Variants in EPHA10 observed in about 807,000 individuals in gnomAD.
EPHA10 encodes the protein EPH receptor A10.
In EPHA10, 120 loss-of-function variants were observed where a neutral mutation model predicts 109.7. The ratio of observed to expected loss-of-function variants is 1.09; its 90% CI spans 0.94 to 1.27. The LOEUF is 1.27. Among genes scored for constraint, EPHA10 ranks in the 50% most tolerant of loss-of-function variants. EPHA10 has a pLI of 0.00. For missense variants in EPHA10, 1,396 were observed against 1,411.1 expected (o/e 0.99, Z 0.17); for synonymous variants, 640 against 618.9 (o/e 1.03, Z -0.51).
chr1:37,719,428 C>G lies in EPHA10; in HGVS notation c.2742G>C (p.Leu914=), dbSNP rs777654930. 3 of 1,613,010 alleles carry G rather than the reference C, an allele frequency of 1.9e-6. No individual in the cohort carries two copies. The highest frequency in any genetic ancestry group is 2.5e-6 in the Non-Finnish European group (3 of 1,179,920). ...VQDPEPPKCA[L]TTCPRPPTPL... is the part of the protein sequence containing the mutation. ...TGGGAACGTACCTGGGACAGGTAGT[C>G]AGGGCACACTTGGGGGGCTCTGGGT... Residue 914 remains leucine (L), a synonymous_variant, in exon 15 of 17, where the codon CTG becomes CTC. Coordinates refer to ENST00000373048, the MANE Select transcript of EPHA10 (RefSeq NM_001099439.2).
chr1:37,739,204 A>G (rs1646116419), intron 5 of EPHA10, among the ~76,000 whole-genome samples: 1 of 152,256 alleles, frequency 6.6e-6, no homozygotes, highest in South Asian at 2.1e-4. Context: ...GTGTAAACAT[A>G]CAACAGGATA....
intron 14 of EPHA10, 86 bp from the exon 15 acceptor site, chr1:37,719,693 C>T (rs1645755490): frequency 6.8e-7 from 1 of 1,476,566 alleles, no homozygotes; most frequent in East Asian, 2.3e-5. Context: ...CACACACAGA[C>T]ACAGACACAC....
In EPHA10 at chr1:37,720,468, GC is replaced by G; in HGVS notation, c.2294del (p.Gly765AlafsTer40). On this transcript the variant is annotated frameshift_variant, in exon 13 of 17. Transcript: ENST00000373048. LOFTEE classifies it high-confidence loss of function. ...GAGCTGCCAGGCCCCGGTGAACGTA[GC>G]CCATCTCTGACAGATACTTCATGGC... Reference protein sequence around the residue: ...ASAMKYLSEMGYVHRGLAARH... With the variant: ...ASAMKYLSEMXYVHRGLAARH... 6.2e-7 allele frequency: 1 copy of G among 1,613,608 alleles called. No homozygotes were observed. Among genetic ancestry groups the G allele is most frequent in the Non-Finnish European group, 8.5e-7 (1 of 1,180,018 alleles).
chr1:37,749,255 T>C (rs1646286877), intron 5 of EPHA10, among the ~76,000 whole-genome samples: 1 of 152,036 alleles, frequency 6.6e-6, no homozygotes, highest in South Asian at 2.1e-4. Context: ...AAAATCATAT[T>C]GCACAGTGCC....
At chr1:37,722,896 G>A in intron 10 of EPHA10, 145 bp downstream of exon 10, 2 of 1,219,104 alleles carry the variant, frequency 1.6e-6, no homozygotes, top group Non-Finnish European at 2.4e-6. Flanking sequence ...GGGTGGGCTT[G>A]GTGTGGAGGC....
chr1:37,761,152 T>G, intron 3 of EPHA10: 1 of 1,357,448 alleles, frequency 7.4e-7, no homozygotes, highest in East Asian at 2.9e-5. Context: ...AGAAGGCCTG[T>G]GCAAGGTGCC....
In EPHA10 at chr1:37,761,964, G is replaced by A. The variant is rs774237973; in HGVS notation, c.291C>T (p.Arg97=). The change falls in exon 3 of 17, where the codon CGC becomes CGT. Residue 97 remains arginine (R), a synonymous_variant. Coordinates refer to ENST00000373048, the MANE Select transcript of EPHA10 (RefSeq NM_001099439.2). ...WLQTGWISRG[R]GQRIFVELQF... is the part of the protein sequence containing the mutation. ...GCAGTTCCACGAAGATGCGCTGCCCGCGGCCACGGCTTATCCAGCCAGTCT... is the reference window on the plus strand; with the variant it reads ...GCAGTTCCACGAAGATGCGCTGCCCACGGCCACGGCTTATCCAGCCAGTCT... The A allele has an allele frequency of 1.9e-6, 3 of 1,614,028 alleles. No homozygotes were observed. Among genetic ancestry groups the A allele is most frequent in the Admixed American group, 1.7e-5 (1 of 60,016 alleles).
intron 12 of EPHA10, 30 bp downstream of exon 12, chr1:37,720,753 G>A: frequency 6.2e-7 from 1 of 1,612,962 alleles, no homozygotes; most frequent in Middle Eastern, 1.7e-4. Flanking sequence ...ACAGAATAAA[G>A]TGGTCATTGG....
chr1:37,733,173 G>A (rs151208815), intron 6 of EPHA10, among the ~76,000 whole-genome samples: 1,572 of 151,776 alleles, frequency 0.01, 27 homozygotes, highest in African/African-American at 0.036. Context: ...GATTACAGGC[G>A]TGCACCACCA....
At chr1:37,740,431 G>A (rs944499168) in intron 5 of EPHA10, among the ~76,000 whole-genome samples, 5 of 151,916 alleles carry the variant, frequency 3.3e-5, no homozygotes, top group East Asian at 1.9e-4. Context: ...TCAGCCTCCC[G>A]AGTAGCTGGG....
chr1:37,756,527 A>G (rs77105949), intron 3 of EPHA10: 25,574 of 152,294 alleles, frequency 0.17, 2,425 homozygotes, highest in South Asian at 0.23. Context: ...CCTCTCTTCA[A>G]GGTCAGACCT....
At chr1:37,759,508 G>C (rs1005639838) in intron 3 of EPHA10, among the ~76,000 whole-genome samples, 5 of 152,078 alleles carry the variant, frequency 3.3e-5, no homozygotes, top group Non-Finnish European at 7.4e-5. Flanking sequence ...CTCTGTTTAT[G>C]TTTCACACCC....
chr1:37,747,330 T>C (rs919178407), intron 5 of EPHA10, among the ~76,000 whole-genome samples: 18 of 152,026 alleles, frequency 1.2e-4, no homozygotes, highest in South Asian at 8.3e-4. Flanking sequence ...GCAGGTAGAT[T>C]GCTTGAGTCC....
At chr1:37,722,598 C>A (rs978577002) in intron 10 of EPHA10, among the ~76,000 whole-genome samples, 1 of 152,216 alleles carries the variant, frequency 6.6e-6, no homozygotes, top group Non-Finnish European at 1.5e-5. Context: ...CATTAGCCCC[C>A]AGAAGGCAGA....
rs1646352041 is a variant in EPHA10 at position 37,752,943 on chromosome 1, G to A, written c.1290C>T (p.Gly430=). The A allele has an allele frequency of 9.2e-6, 12 of 1,301,064 alleles. No individual in the cohort carries two copies. The highest frequency in any genetic ancestry group is 1.2e-5 in the Non-Finnish European group (12 of 1,027,662). 80.6% of individuals were successfully genotyped at this position (1,301,064 alleles called of 1,614,324 possible). The change falls in exon 5 of 17, where the codon GGC becomes GGT. Residue 430 remains glycine (G), a synonymous_variant. Coordinates refer to ENST00000373048, the MANE Select transcript of EPHA10 (RefSeq NM_001099439.2). The part of the protein sequence containing the change: ...RYTVRVAALN[G]VSGPAAAAGT... ...CCGCGGCGGCCGCCGGGCCCGAGACGCCGTTGAGCGCGGCCACGCGCACGG... is the reference window on the plus strand; with the variant it reads ...CCGCGGCGGCCGCCGGGCCCGAGACACCGTTGAGCGCGGCCACGCGCACGG...
intron 5 of EPHA10, among the ~76,000 whole-genome samples, chr1:37,743,882 G>A (rs1646191558): frequency 6.8e-6 from 1 of 146,286 alleles, no homozygotes; most frequent in South Asian, 2.2e-4. Context: ...AGGAACATCT[G>A]TGTATATATA....
intron 1 of EPHA10, among the ~76,000 whole-genome samples, chr1:37,763,335 T>A (rs1325893211): frequency 1.3e-5 from 2 of 152,142 alleles, no homozygotes; most frequent in Admixed American, 6.5e-5. Context: ...TCTGCCTCAG[T>A]CATCACACTG....
intron 5 of EPHA10, among the ~76,000 whole-genome samples, chr1:37,739,601 A>C (rs1274832922): frequency 6.6e-6 from 1 of 151,600 alleles, no homozygotes; most frequent in Non-Finnish European, 1.5e-5. Context: ...AGGCAGGAGA[A>C]TCACTTGAAC....
At chr1:37,747,548 G>A (rs1379626322) in intron 5 of EPHA10, among the ~76,000 whole-genome samples, 1 of 90,868 alleles carries the variant, frequency 1.1e-5, no homozygotes, top group African/African-American at 5.0e-5. Context: ...GAGTGAAACT[G>A]TCTCAAAAAA....
Sources: allele counts gnomAD v4.1 joint callset (sites outside exome capture counted in the v4.1 genomes callset), GRCh38; gene constraint gnomAD v4.1.1; transcripts MANE v1.5; gene names NCBI Gene and HGNC (gene_info 2026-07-23, HGNC 2026-07-21).